Variants in CMYA5 observed in about 807,000 individuals in gnomAD.
CMYA5 encodes the protein cardiomyopathy associated 5.
CMYA5 carries 246 observed loss-of-function variants against 318.9 expected under a neutral mutation model. The ratio of observed to expected loss-of-function variants is 0.77; its 90% CI spans 0.70 to 0.86. CMYA5 has a LOEUF of 0.86. Ranked by LOEUF, CMYA5 falls within the 40% of genes least tolerant of loss-of-function variation. The pLI is 0.00. For synonymous variants in CMYA5, 1,641 were observed against 1,729.5 expected (o/e 0.95, Z 1.27); for missense variants, 4,589 against 4,678.2 (o/e 0.98, Z 0.56).
At position 79,735,587 on chromosome 5, in the gene CMYA5, T is replaced by C. The variant is rs1482604616; in HGVS notation, c.6822T>C (p.Asp2274=). ...EKSMILSNVE[D]LQQPKFISEV... ...CCATGATTTTATCAAATGTAGAAGATTTACAACAGCCAAAATTCATTTCTG... is the reference window on the plus strand; with the variant it reads ...CCATGATTTTATCAAATGTAGAAGACTTACAACAGCCAAAATTCATTTCTG... The change falls in exon 2 of 13, where the codon GAT becomes GAC. Residue 2274 remains aspartate (D), a synonymous_variant. Coordinates refer to ENST00000446378, the MANE Select transcript of CMYA5 (RefSeq NM_153610.5). The C allele has an allele frequency of 1.9e-6, 3 of 1,613,236 alleles. No homozygotes were observed. The highest frequency in any genetic ancestry group is 2.7e-5 in the African/African-American group (2 of 74,828).
chr5:79,738,347 G>A lies in CMYA5; in HGVS notation c.9582G>A (p.Lys3194=), dbSNP rs765337059. Residue 3194 remains lysine (K), a synonymous_variant, in exon 2 of 13, where the codon AAG becomes AAA. Transcript: ENST00000446378. The part of the protein sequence containing the change: ...EEPPALAFLY[K]DLYEEAVGEK... ...CACCTGCACTTGCATTTTTATATAAGGATCTGTATGAAGAAGCAGTTGGAG... is the reference window on the plus strand; with the variant it reads ...CACCTGCACTTGCATTTTTATATAAAGATCTGTATGAAGAAGCAGTTGGAG... 7.4e-6 allele frequency: 12 copies of A among 1,613,606 alleles called. No homozygotes were observed. The highest frequency in any genetic ancestry group is 1.0e-5 in the Non-Finnish European group (12 of 1,179,830).
In CMYA5 at chr5:79,734,939, A is replaced by G. The variant is rs1437754047; in HGVS notation, c.6174A>G (p.Glu2058=). The change falls in exon 2 of 13, where the codon GAA becomes GAG. Residue 2058 remains glutamate (E), a synonymous_variant. Coordinates refer to ENST00000446378, the MANE Select transcript of CMYA5 (RefSeq NM_153610.5). ...AACCAGTGTCTGGCCTATCAGTGGA[A>G]CAGGTGAAGTCAGAAACAATCTCCT... The part of the protein sequence containing the change: ...FQKPVSGLSV[E]QVKSETISSS... The G allele has an allele frequency of 5.0e-6, 8 of 1,613,846 alleles. No homozygotes were observed. The highest frequency in any genetic ancestry group is 6.8e-6 in the Non-Finnish European group (8 of 1,179,788).
rs769679117 is a variant in CMYA5, at chr5:79,733,791, C to G, written c.5026C>G (p.Leu1676Val). ...DSVLEKGPAE[L>V]RSREGKEENR... is the part of the protein sequence containing the mutation. ...TGTTTTAGAAAAAGGCCCAGCTGAGCTTAGGAGCAGAGAAGGAAAAGAAGA... is the reference window on the plus strand; with the variant it reads ...TGTTTTAGAAAAAGGCCCAGCTGAGGTTAGGAGCAGAGAAGGAAAAGAAGA... The change falls in exon 2 of 13, where the codon CTT (leucine) becomes GTT (valine). Residue 1676 changes from leucine (L) to valine (V), a missense_variant. Around this residue, in one of 3 missense-constraint regions of CMYA5, gnomAD observed 2,132 missense variants for 2,131.3 expected, o/e 1.00. Transcript: ENST00000446378. 136 of 1,613,478 alleles carry G rather than the reference C, an allele frequency of 8.4e-5. No homozygotes were observed. Among genetic ancestry groups the G allele is most frequent in the Non-Finnish European group, 1.1e-4 (134 of 1,179,802 alleles).
Position 79,738,072 on chromosome 5 carries a change from G to T in CMYA5, c.9307G>T (p.Glu3103Ter), listed in dbSNP as rs779952624. The T allele has an allele frequency of 1.9e-6, 3 of 1,613,488 alleles. No individual in the cohort carries two copies. The Admixed American group carries it at 5.0e-5, about 27-fold the overall frequency. Residue 3103 changes from glutamate to a stop codon, truncating the protein, a stop_gained, in exon 2 of 13, where the codon GAA (glutamate) becomes TAA (stop). Transcript: ENST00000446378. LOFTEE classifies it high-confidence loss of function. ...AGTAAGTTCAGTGGAAAGTGCACTA[G>T]AACATGAATATGACTTGGTGAAATT... ...FPVSSVESALEHEYDLVKLDE... is the reference protein window; with the variant it reads ...FPVSSVESAL
At chr5:79,695,090 AC>A (rs202010026) in intron 1 of CMYA5, among the ~76,000 whole-genome samples, 284 of 152,086 alleles carry the variant, frequency 1.9e-3, no homozygotes, top group African/African-American at 6.3e-3. Flanking sequence ...AATTTTACAC[AC>A]AAAAAAGTCC....
chr5:79,713,373 C>T (rs980974747), intron 1 of CMYA5, among the ~76,000 whole-genome samples: 1 of 148,842 alleles, frequency 6.7e-6, no homozygotes, highest in Non-Finnish European at 1.5e-5. Flanking sequence ...GAGGAATGCC[C>T]ACCTCCCAAG....
chr5:79,757,668 G>A (rs1476245546), intron 6 of CMYA5, among the ~76,000 whole-genome samples: 10 of 152,260 alleles, frequency 6.6e-5, no homozygotes, highest in Non-Finnish European at 1.2e-4. Flanking sequence ...TGCCTCTATC[G>A]TGAATATAGA....
chr5:79,765,751 A>G (rs1828738658), intron 9 of CMYA5, among the ~76,000 whole-genome samples: 1 of 152,126 alleles, frequency 6.6e-6, no homozygotes, highest in African/African-American at 2.4e-5. Flanking sequence ...CTTTGTAGCA[A>G]TTGGGAATGG....
Position 79,736,300 on chromosome 5 carries a change from CTATG to C in CMYA5, c.7536_7539del (p.Met2513HisfsTer49), listed in dbSNP as rs776247103. The C allele has an allele frequency of 6.2e-7, 1 of 1,613,406 alleles. No individual in the cohort carries two copies. The highest frequency in any genetic ancestry group is 1.1e-5 in the South Asian group (1 of 91,010). ...GAACTGAAAGAATCAAAAGCCGATG[CTATG>C]CCACAGCACTTCTATCAAAATGAAG... On this transcript the variant is annotated frameshift_variant, in exon 2 of 13. Coordinates refer to ENST00000446378, the MANE Select transcript of CMYA5 (RefSeq NM_153610.5). LOFTEE classifies it high-confidence loss of function.
intron 1 of CMYA5, among the ~76,000 whole-genome samples, chr5:79,713,192 T>G (rs1033717137): frequency 6.6e-6 from 1 of 152,154 alleles, no homozygotes; most frequent in Non-Finnish European, 1.5e-5. Context: ...ACATTTTTTA[T>G]TGTCACAACC....
At chr5:79,698,436 T>G (rs1827114949) in intron 1 of CMYA5, among the ~76,000 whole-genome samples, 1 of 152,216 alleles carries the variant, frequency 6.6e-6, no homozygotes, top group South Asian at 2.1e-4. Flanking sequence ...ACCACAGCTT[T>G]CCCACTTTCT....
rs767867210 is a variant in CMYA5, at chr5:79,713,941, C to T, written c.150-14974C>T. Among the ~76,000 whole-genome samples the T allele has an allele frequency of 2.3e-5, 3 of 133,316 alleles. No individual in the cohort carries two copies. In the South Asian group the frequency reaches 7.1e-4, roughly 31 times the overall value. The allele number at this position is 133,316 out of a possible 152,430, so 87.5% of individuals were successfully genotyped here. ...TAAGGACAGGCACATGTCTTAGTCA[C>T]TCAATGACTCAAGTTATCTTGGCTG... On this transcript the variant is annotated intron_variant, in intron 1 of 12. Coordinates refer to ENST00000446378, the MANE Select transcript of CMYA5 (RefSeq NM_153610.5).
intron 9 of CMYA5, among the ~76,000 whole-genome samples, chr5:79,765,005 G>A (rs1355419417): frequency 6.6e-6 from 1 of 152,038 alleles, no homozygotes. Context: ...AGATCCCACT[G>A]GTGGATTTTG....
At chr5:79,788,082 A>T (rs192895818) in intron 9 of CMYA5, among the ~76,000 whole-genome samples, 1 of 152,308 alleles carries the variant, frequency 6.6e-6, no homozygotes, top group Admixed American at 6.5e-5. Context: ...TATTGTATTC[A>T]TTGACAATTA....
intron 1 of CMYA5, among the ~76,000 whole-genome samples, chr5:79,710,245 A>G (rs1424698688): frequency 6.6e-6 from 1 of 152,124 alleles, no homozygotes; most frequent in South Asian, 2.1e-4. Context: ...ATAACTTTTT[A>G]TAAAATATGT....
intron 1 of CMYA5, among the ~76,000 whole-genome samples, chr5:79,694,993 AAG>A (rs1250950145): frequency 6.6e-6 from 1 of 152,214 alleles, no homozygotes; most frequent in Non-Finnish European, 1.5e-5. Context: ...TGACTCAACG[AAG>A]AGTTAAACTC....
intron 1 of CMYA5, among the ~76,000 whole-genome samples, chr5:79,696,827 G>A (rs971455390): frequency 5.3e-5 from 8 of 152,140 alleles, no homozygotes; most frequent in Middle Eastern, 6.8e-3. Context: ...CCAACATGGC[G>A]AAACCCCCGT....
chr5:79,770,611 G>C (rs1446178878), intron 9 of CMYA5, among the ~76,000 whole-genome samples: 3 of 152,088 alleles, frequency 2.0e-5, no homozygotes, highest in African/African-American at 7.2e-5. Flanking sequence ...CCCTCCATGG[G>C]CTGCATCCAC....
rs779852164 is a variant in CMYA5 at position 79,738,537 on chromosome 5, C to G, written c.9772C>G (p.Gln3258Glu). 6.2e-7 allele frequency: 1 copy of G among 1,613,292 alleles called. No homozygotes were observed. Among genetic ancestry groups the G allele is most frequent in the Admixed American group, 1.7e-5 (1 of 59,988 alleles). ...TGACACATCTCTAACTCAAAAGGAC[C>G]AGGGCCAAGGTCTGGAAGAAAAACG... ...LHDTSLTQKD[Q>E]GQGLEEKRVG... The change falls in exon 2 of 13, where the codon CAG becomes GAG. Residue 3258 changes from glutamine to glutamate, a missense_variant. Physicochemically the swap from Gln to Glu is conservative, Grantham distance 29. Coordinates refer to ENST00000446378, the MANE Select transcript of CMYA5 (RefSeq NM_153610.5).
Sources: gnomAD v4.1 joint callset for allele counts (sites outside exome capture counted in the v4.1 genomes callset) on GRCh38, gnomAD v4.1.1 for gene constraint, gnomAD v4.1.1 regional missense constraint, MANE v1.5 for transcripts, NCBI Gene and HGNC (gene_info 2026-07-23, HGNC 2026-07-21) for gene names.